TRIP10: variants seen among roughly 807,000 people sequenced by gnomAD.
TRIP10 encodes cdc42-interacting protein 4.
TRIP10 carries 54 observed loss-of-function variants against 80.9 expected under a neutral mutation model. That is an observed-to-expected ratio of 0.67 (90% CI 0.54 to 0.84). TRIP10 has a LOEUF of 0.84. Among genes scored for constraint, TRIP10 ranks in the 40% least tolerant of loss-of-function variants. The pLI is 0.00. For missense variants in TRIP10, 773 were observed against 815.3 expected, an observed-to-expected ratio of 0.95 and a Z score of 0.63; for synonymous variants, 321 against 307.2, an observed-to-expected ratio of 1.04 and a Z score of -0.47.
Position 6,750,063 on chromosome 19 carries a change from TGAGG to T in TRIP10, c.1393_1395+1del. 1 of 1,586,790 alleles carries T rather than the reference TGAGG, an allele frequency of 6.3e-7. No individual in the cohort carries two copies. Among genetic ancestry groups the T allele is most frequent in the Non-Finnish European group, 8.5e-7 (1 of 1,174,156 alleles). On this transcript the variant is annotated splice_donor_variant and coding_sequence_variant, in exon 12 of 15. Coordinates refer to ENST00000313244, the MANE Select transcript of TRIP10 (RefSeq NM_001288962.2). LOFTEE classifies it high-confidence loss of function. Reference sequence around the variant, plus strand: ...GGCTGAAATTGGAAGTGCAGAAGTATGAGGTCAGGAAAGACCCTGGGGAGGGGCG... The same window carrying T: ...GGCTGAAATTGGAAGTGCAGAAGTATTCAGGAAAGACCCTGGGGAGGGGCG...
Position 6,743,555 on chromosome 19 carries a change from G to C in TRIP10, c.470G>C (p.Arg157Pro). Residue 157 changes from arginine (R) to proline (P), a missense_variant, in exon 6 of 15, where the codon CGG becomes CCG. By Grantham distance (103) the Arg-to-Pro change is moderately radical. Transcript: ENST00000313244. ...EAEKAAQTAE[R>P]LDQDINATKA... Reference sequence around the variant, plus strand: ...GAGAAGGCAGCCCAGACTGCTGAACGGCTAGACCAGGATATCAACGCCACC... The same window carrying C: ...GAGAAGGCAGCCCAGACTGCTGAACCGCTAGACCAGGATATCAACGCCACC... 1.2e-6 allele frequency: 2 copies of C among 1,610,756 alleles called. No homozygotes were observed. Among genetic ancestry groups the C allele is most frequent in the Non-Finnish European group, 1.7e-6 (2 of 1,178,650 alleles).
Position 6,743,713 on chromosome 19 carries a change from G to A in TRIP10, c.519G>A (p.Lys173=), listed in dbSNP as rs1349073501. ...NATKADVEKA[K]QQAHLRSHMA... is the part of the protein sequence containing the mutation. ...TCCACCTCTGCATTCTTCAGGCCAA[G>A]CAGCAAGCCCACCTTCGGAGTCACA... is the stretch of plus-strand genomic sequence containing the variant. The change falls in exon 7 of 15, where the codon AAG becomes AAA. Residue 173 remains lysine (K), a synonymous_variant. Coordinates refer to ENST00000313244, the MANE Select transcript of TRIP10 (RefSeq NM_001288962.2). The A allele has an allele frequency of 1.2e-6, 2 of 1,614,032 alleles. No homozygotes were observed. The highest frequency in any genetic ancestry group is 2.2e-5 in the East Asian group (1 of 44,890).
intron 3 of TRIP10, 132 bp downstream of exon 3, chr19:6,741,413 A>G: frequency 9.5e-7 from 1 of 1,050,182 alleles, no homozygotes; most frequent in Admixed American, 2.1e-5. Flanking sequence ...GCATGGATGC[A>G]AGATGCGGGA....
At chr19:6,742,261 G>A (rs1339438290) in intron 3 of TRIP10, among the ~76,000 whole-genome samples, 4 of 151,574 alleles carry the variant, frequency 2.6e-5, no homozygotes, top group African/African-American at 9.7e-5. Flanking sequence ...GTTGTGGTGC[G>A]CGCCTGTAAT....
chr19:6,750,396 C>G lies in TRIP10; in HGVS notation c.1500C>G (p.Ser500Arg). 6.2e-7 allele frequency: 1 copy of G among 1,614,164 alleles called. No individual in the cohort carries two copies. The highest frequency in any genetic ancestry group is 8.5e-7 in the Non-Finnish European group (1 of 1,180,006). ...CCCCCGCTAGCGCCCCGCCAGACAG[C>G]AGCAGCAACAGCGCATCACAGGACA... ...PDPPASAPPD[S>R]SSNSASQDTK... The change falls in exon 13 of 15, where the codon AGC becomes AGG. Residue 500 changes from serine (S) to arginine (R), a missense_variant. Ser to Arg is a moderately radical substitution (Grantham distance 110). Transcript: ENST00000313244.
Position 6,745,992 on chromosome 19 carries a change from C to T in TRIP10, c.985-37C>T. ...CTACATCCTCCTATGCCCCCCCACC[C>T]CTTCAACCTATCCCCCTCCCCGGCC... On this transcript the variant is annotated intron_variant, in intron 9 of 14. Coordinates refer to ENST00000313244, the MANE Select transcript of TRIP10 (RefSeq NM_001288962.2). This position sits in a 1 kb window ranked among gnomAD's most constrained non-coding sequence, Gnocchi z 7.2. 2.2e-6 allele frequency: 2 copies of T among 923,098 alleles called. No homozygotes were observed. The highest frequency in any genetic ancestry group is 2.8e-6 in the Non-Finnish European group (2 of 721,136). The allele number at this position is 923,098 out of a possible 1,614,324, so 57.2% of individuals were successfully genotyped here.
rs1969054661 is a variant in TRIP10 at position 6,744,841 on chromosome 19, C to G, written c.831C>G (p.Ala277=). 6.2e-7 allele frequency: 1 copy of G among 1,614,186 alleles called. No homozygotes were observed. The highest frequency in any genetic ancestry group is 2.2e-5 in the East Asian group (1 of 44,874). ...TAGAGCTGCACAAGTCAGGTTTTGC[C>G]CGCCCGGGCGACGTGGAATTCGAGG... ...VLIELHKSGF[A]RPGDVEFEDF... is the part of the protein sequence containing the mutation. Residue 277 remains alanine, a synonymous_variant, in exon 9 of 15, where the codon GCC becomes GCG. Transcript: ENST00000313244. The surrounding 1 kb of genome is among the most constrained non-coding windows in gnomAD (Gnocchi z 4.9).
At position 6,745,233 on chromosome 19, in the gene TRIP10, C is replaced by T. The variant is rs1035129303; in HGVS notation, c.984+239C>T. ...TCCGTGGCGTTTGTCTGCTGCTTCTCGGGATGCTGGGAGAAAACCTGCTGG... is the reference window on the plus strand; with the variant it reads ...TCCGTGGCGTTTGTCTGCTGCTTCTTGGGATGCTGGGAGAAAACCTGCTGG... On this transcript the variant is annotated intron_variant, in intron 9 of 14. Coordinates refer to ENST00000313244, the MANE Select transcript of TRIP10 (RefSeq NM_001288962.2). The surrounding 1 kb of genome is among the most constrained non-coding windows in gnomAD (Gnocchi z 7.2). 3.9e-5 allele frequency: 22 copies of T among 558,320 alleles called. No homozygotes were observed. Among genetic ancestry groups the T allele is most frequent in the Admixed American group, 2.5e-4 (7 of 28,462 alleles). The allele number at this position is 558,320 out of a possible 1,614,324, so 34.6% of individuals were successfully genotyped here. A position where few individuals can be genotyped will look rare whatever the true frequency, so the allele number is the denominator to read the frequency against.
At chr19:6,741,340 C>A in intron 3 of TRIP10, 59 bp downstream of exon 3, 1 of 1,552,498 alleles carries the variant, frequency 6.4e-7, no homozygotes. Flanking sequence ...GCTTGGGTCT[C>A]ACTTCCCCTC....
rs182785623 is a variant in TRIP10 at position 6,750,728 on chromosome 19, G to T, written c.1657+95G>T. The T allele has an allele frequency of 1.4e-5, 21 of 1,531,692 alleles. No individual in the cohort carries two copies. The South Asian group carries it at 2.5e-4, about 19-fold the overall frequency. The allele number at this position is 1,531,692 out of a possible 1,614,324, so 94.9% of individuals were successfully genotyped here. A position where few individuals can be genotyped will look rare whatever the true frequency, so the allele number is the denominator to read the frequency against. ...CGCCTAAAGCAGGGCTGGGCGGGTG[G>T]CTCAGGCTTGTAATCCCAGCACTTT... On this transcript the variant is annotated intron_variant, in intron 14 of 14. Coordinates refer to ENST00000313244, the MANE Select transcript of TRIP10 (RefSeq NM_001288962.2).
intron 1 of TRIP10, 109 bp downstream of exon 1, chr19:6,739,894 C>A: frequency 8.1e-7 from 1 of 1,235,922 alleles, no homozygotes; most frequent in South Asian, 2.8e-5. Context: ...CTTCCACCGA[C>A]CCCTGGGTCC....
At chr19:6,750,112 G>A in intron 12 of TRIP10, 46 bp downstream of exon 12, 1 of 1,346,158 alleles carries the variant, frequency 7.4e-7, no homozygotes, top group African/African-American at 1.5e-5. Context: ...GGGCCTGGCT[G>A]AGTCACTGCT....
chr19:6,743,889 C>T lies in TRIP10; in HGVS notation c.642+53C>T. On this transcript the variant is annotated intron_variant, in intron 7 of 14. Coordinates refer to ENST00000313244, the MANE Select transcript of TRIP10 (RefSeq NM_001288962.2). ...CTTCCCGAAAGCCTCCAAATGTTAG[C>T]CAACTCCTACGCATTCATCAAAACC... The T allele has an allele frequency of 5.6e-6, 9 of 1,602,754 alleles. No individual in the cohort carries two copies. The South Asian group carries it at 8.9e-5, about 16-fold the overall frequency.
intron 11 of TRIP10, chr19:6,748,472 C>T (rs933550787): frequency 6.6e-6 from 1 of 152,164 alleles, no homozygotes; most frequent in Non-Finnish European, 1.5e-5. Context: ...TCAGTTTCTT[C>T]ATCTGTAAAG....
chr19:6,747,741 C>T (rs1969180119), intron 11 of TRIP10, among the ~76,000 whole-genome samples: 1 of 151,796 alleles, frequency 6.6e-6, no homozygotes, highest in Admixed American at 6.6e-5. Flanking sequence ...TGCAGTGAGT[C>T]AAGACTGCAC....
intron 1 of TRIP10, among the ~76,000 whole-genome samples, chr19:6,740,453 C>G (rs2145527969): frequency 6.6e-6 from 1 of 152,348 alleles, no homozygotes. Context: ...TCCCTGAGTT[C>G]TTAGTGCAGC....
At chr19:6,748,217 TTC>T (rs1327903842) in intron 11 of TRIP10, 1 of 152,178 alleles carries the variant, frequency 6.6e-6, no homozygotes, top group East Asian at 1.9e-4. Context: ...CTCTTCCCAG[TTC>T]TGTTACATAA....
At chr19:6,742,898 T>TC in intron 3 of TRIP10, 69 bp from the exon 4 acceptor site, 1 of 1,584,952 alleles carries the variant, frequency 6.3e-7, no homozygotes, top group Non-Finnish European at 8.6e-7. Flanking sequence ...TGGAGGTGCG[T>TC]CCTGGGGCAT....
At position 6,745,047 on chromosome 19, in the gene TRIP10, C is replaced by T. The variant is rs1969067244; in HGVS notation, c.984+53C>T. ...GGGGAGAAGGACAGTGAAGTGGGGACAGTGGGGCCCCTATTGAGTCAGCCC... is the reference window on the plus strand; with the variant it reads ...GGGGAGAAGGACAGTGAAGTGGGGATAGTGGGGCCCCTATTGAGTCAGCCC... On this transcript the variant is annotated intron_variant, in intron 9 of 14. Coordinates refer to ENST00000313244, the MANE Select transcript of TRIP10 (RefSeq NM_001288962.2). This position sits in a 1 kb window ranked among gnomAD's most constrained non-coding sequence, Gnocchi z 7.2. The T allele has an allele frequency of 6.4e-7, 1 of 1,568,108 alleles. No individual in the cohort carries two copies. The highest frequency in any genetic ancestry group is 1.8e-5 in the Admixed American group (1 of 54,738).
Sources: allele counts gnomAD v4.1 joint callset (sites outside exome capture counted in the v4.1 genomes callset), GRCh38; gene constraint gnomAD v4.1.1; non-coding constraint Gnocchi (gnomAD v3.1); transcripts MANE v1.5; gene names NCBI Gene and HGNC (gene_info 2026-07-23, HGNC 2026-07-21).